The following ALG11 variants were observed in gnomAD, a reference collection of about 807,000 sequenced individuals.
ALG11 encodes the protein GDP-Man:Man(3)GlcNAc(2)-PP-Dol alpha-1,2-mannosyltransferase.
In ALG11, 26 loss-of-function variants were observed where a neutral mutation model predicts 38.8. That is an observed-to-expected ratio of 0.67 (90% CI 0.49 to 0.93). The LOEUF is 0.93. Among genes scored for constraint, ALG11 ranks in the 40% least tolerant of loss-of-function variants. The probability of loss-of-function intolerance (pLI) is 0.00; values close to 1 mark genes in which losing one functional copy is unlikely to be tolerated. For synonymous variants in ALG11, 199 were observed against 211.6 expected (o/e 0.94, Z 0.52); for missense variants, 535 against 578.8 (o/e 0.92, Z 0.78).
At chr13:52,014,155 A>C (rs946990388) in intron 1 of ALG11, among the ~76,000 whole-genome samples, 1 of 152,218 alleles carries the variant, frequency 6.6e-6, no homozygotes, top group African/African-American at 2.4e-5. Flanking sequence ...AGTTAGCCTG[A>C]ATTTTCTTCA....
rs1029348775 is a variant in ALG11 at position 52,012,424 on chromosome 13, G to A, written c.6G>A (p.Ala2=). Reference sequence around the variant, plus strand: ...AGTTCGGGGGTCGGCGGAAGATGGCGGCCGGCGAAAGGAGCTGGTGCCTGT... The same window carrying A: ...AGTTCGGGGGTCGGCGGAAGATGGCAGCCGGCGAAAGGAGCTGGTGCCTGT... M[A]AGERSWCLCK... is the part of the protein sequence containing the mutation. The change falls in exon 1 of 4, where the codon GCG becomes GCA. Residue 2 remains alanine, a synonymous_variant. Transcript: ENST00000521508. 3 of 1,614,022 alleles carry A rather than the reference G, an allele frequency of 1.9e-6. No homozygotes were observed. The highest frequency in any genetic ancestry group is 1.7e-6 in the Non-Finnish European group (2 of 1,180,042).
chr13:52,029,782 G>A lies in ALG11; in HGVS notation c.*1192G>A, dbSNP rs140297533. On this transcript the variant is annotated 3_prime_UTR_variant, in exon 4 of 4. Coordinates refer to ENST00000521508, the MANE Select transcript of ALG11 (RefSeq NM_001004127.3). ...CTCGCCAAGCTATGCAGGAACAGTT[G>A]GCCAAGAACAAAGAACTGACACAGA... 5.7e-5 allele frequency: 92 copies of A among 1,614,152 alleles called. No homozygotes were observed. The African/African-American group carries it at 8.8e-4, about 15-fold the overall frequency.
At chr13:52,023,618 T>A (rs914302008) in intron 2 of ALG11, 1 of 152,204 alleles carries the variant, frequency 6.6e-6, no homozygotes, top group South Asian at 2.1e-4. Context: ...AAATCAAATC[T>A]TCTTTATAAC....
chr13:52,020,140 T>G (rs534326690), intron 2 of ALG11, among the ~76,000 whole-genome samples: 15 of 152,138 alleles, frequency 9.9e-5, no homozygotes, highest in Non-Finnish European at 2.2e-4. Context: ...TTTATGAAAG[T>G]ATCTATTTGA....
rs373889076 is a variant in ALG11 at position 52,012,404 on chromosome 13, G to A, written c.-15G>A. On this transcript the variant is annotated 5_prime_UTR_variant, in exon 1 of 4. Coordinates refer to ENST00000521508, the MANE Select transcript of ALG11 (RefSeq NM_001004127.3). ...GGAAAGTGAAGCGTTTCCTGAGTTCGGGGGTCGGCGGAAGATGGCGGCCGG... is the reference window on the plus strand; with the variant it reads ...GGAAAGTGAAGCGTTTCCTGAGTTCAGGGGTCGGCGGAAGATGGCGGCCGG... The A allele has an allele frequency of 2.7e-5, 44 of 1,614,038 alleles. No homozygotes were observed. The highest frequency in any genetic ancestry group is 3.4e-5 in the Non-Finnish European group (40 of 1,180,052).
intron 1 of ALG11, chr13:52,016,098 A>C (rs1954132023): frequency 6.5e-6 from 1 of 152,816 alleles, no homozygotes; most frequent in Admixed American, 6.5e-5. Context: ...GACTCCTCTT[A>C]TGTTTTAGCA....
Position 52,018,981 on chromosome 13 carries a change from T to C in ALG11, c.113T>C (p.Val38Ala), listed in dbSNP as rs753875912. 1 of 1,613,978 alleles carries C rather than the reference T, an allele frequency of 6.2e-7. No homozygotes were observed. The highest frequency in any genetic ancestry group is 1.3e-5 in the African/African-American group (1 of 74,904). The part of the protein sequence containing the change: ...CGTLCVCLVI[V>A]LWGIRLLLQR... ...ACTTTATGTGTGTGTTTGGTCATTG[T>C]CCTTTGGGGAATCAGACTGCTGCTA... The change falls in exon 2 of 4, where the codon GTC (valine) becomes GCC (alanine). Residue 38 changes from valine to alanine, a missense_variant. Coordinates refer to ENST00000521508, the MANE Select transcript of ALG11 (RefSeq NM_001004127.3).
In ALG11 at chr13:52,030,242, G is replaced by A. The variant is rs1954287186; in HGVS notation, c.*1652G>A. ...CAGGAAGCAAAAAGCAAGTTCAGAG[G>A]GGACTGTTCCCCAGGTCCAGAGAGA... On this transcript the variant is annotated 3_prime_UTR_variant, in exon 4 of 4. Coordinates refer to ENST00000521508, the MANE Select transcript of ALG11 (RefSeq NM_001004127.3). 1 of 1,614,076 alleles carries A rather than the reference G, an allele frequency of 6.2e-7. No individual in the cohort carries two copies. The highest frequency in any genetic ancestry group is 8.5e-7 in the Non-Finnish European group (1 of 1,180,036).
In ALG11 at chr13:52,030,395, T is replaced by C; in HGVS notation, c.*1805T>C. On this transcript the variant is annotated 3_prime_UTR_variant, in exon 4 of 4. Coordinates refer to ENST00000521508, the MANE Select transcript of ALG11 (RefSeq NM_001004127.3). ...AAATAAGGAGCTTCCCAGACCTGTG[T>C]TAGAAGGACAGCAGTCAGAGAGGAC... The C allele has an allele frequency of 6.2e-7, 1 of 1,614,202 alleles. No homozygotes were observed. The highest frequency in any genetic ancestry group is 8.5e-7 in the Non-Finnish European group (1 of 1,180,040).
chr13:52,024,650 G>T lies in ALG11; in HGVS notation c.920G>T (p.Gly307Val). ...CCAGGACATTTGCTGGTTTCTGTTGGCCAGTTTAGGCCGGAAAAGAATCAT... is the reference window on the plus strand; with the variant it reads ...CCAGGACATTTGCTGGTTTCTGTTGTCCAGTTTAGGCCGGAAAAGAATCAT... ...MTPGHLLVSV[G>V]QFRPEKNHPL... The change falls in exon 3 of 4, where the codon GGC becomes GTC. Residue 307 changes from glycine (G) to valine (V), a missense_variant. Coordinates refer to ENST00000521508, the MANE Select transcript of ALG11 (RefSeq NM_001004127.3). 6.2e-7 allele frequency: 1 copy of T among 1,613,942 alleles called. No homozygotes were observed. The highest frequency in any genetic ancestry group is 8.5e-7 in the Non-Finnish European group (1 of 1,179,888).
chr13:52,018,146 A>C (rs1453759587), intron 1 of ALG11, among the ~76,000 whole-genome samples: 2 of 152,192 alleles, frequency 1.3e-5, no homozygotes, highest in African/African-American at 2.4e-5. Context: ...TATTCATTGG[A>C]TGCCTTCTCT....
chr13:52,027,270 A>G (rs781373077), intron 3 of ALG11, among the ~76,000 whole-genome samples: 13 of 152,110 alleles, frequency 8.5e-5, no homozygotes, highest in Admixed American at 5.2e-4. Flanking sequence ...GAGAAGAGAC[A>G]GTGGCTAGGG....
intron 2 of ALG11, chr13:52,021,992 G>C (rs964591519): frequency 1.3e-5 from 2 of 152,186 alleles, no homozygotes; most frequent in African/African-American, 4.8e-5. Context: ...ATATTCTGTT[G>C]GTCAAAATAG....
chr13:52,012,557 C>T, intron 1 of ALG11, 95 bp downstream of exon 1: 2 of 1,533,858 alleles, frequency 1.3e-6, no homozygotes, highest in South Asian at 1.1e-5. Context: ...AAATGGCCTT[C>T]CTTGTCATGA....
chr13:52,017,700 A>ATCTCTTTT lies in ALG11; in HGVS notation c.45-1211_45-1204dup, dbSNP rs1257859724. On this transcript the variant is annotated intron_variant, in intron 1 of 3. Transcript: ENST00000521508. ...CATATGGAACTGTAAGTCCAATTAAATCTCTTTTTGTTCCCCGTTTTGGGT... is the reference window on the plus strand; with the variant it reads ...CATATGGAACTGTAAGTCCAATTAAATCTCTTTTTCTCTTTTTGTTCCCCGTTTTGGGT... 2.5e-4 allele frequency: 39 copies of ATCTCTTTT among 154,292 alleles called. No individual in the cohort carries two copies. The South Asian group carries it at 4.9e-3, about 20-fold the overall frequency. The allele number at this position is 154,292 out of a possible 1,614,324, so 9.6% of individuals were successfully genotyped here. A position where few individuals can be genotyped will look rare whatever the true frequency, so the allele number is the denominator to read the frequency against.
intron 2 of ALG11, among the ~76,000 whole-genome samples, chr13:52,020,187 A>C (rs911923997): frequency 1.4e-4 from 22 of 152,170 alleles, no homozygotes; most frequent in African/African-American, 5.3e-4. Context: ...GGATAGTCTC[A>C]ACTTACCATG....
In ALG11 at chr13:52,024,647, T is replaced by C. The variant is rs778015185; in HGVS notation, c.917T>C (p.Val306Ala). Residue 306 changes from valine (V) to alanine (A), a missense_variant, in exon 3 of 4, where the codon GTT (valine) becomes GCT (alanine). Val to Ala is a moderately conservative substitution (Grantham distance 64, BLOSUM62 0). Coordinates refer to ENST00000521508, the MANE Select transcript of ALG11 (RefSeq NM_001004127.3). ...ACCCCAGGACATTTGCTGGTTTCTG[T>C]TGGCCAGTTTAGGCCGGAAAAGAAT... ...KMTPGHLLVSVGQFRPEKNHP... is the reference protein window; with the variant it reads ...KMTPGHLLVSAGQFRPEKNHP... 1.2e-6 allele frequency: 2 copies of C among 1,614,028 alleles called. No individual in the cohort carries two copies. Among genetic ancestry groups the C allele is most frequent in the Non-Finnish European group, 1.7e-6 (2 of 1,179,908 alleles).
chr13:52,014,693 C>T (rs1458433652), intron 1 of ALG11, among the ~76,000 whole-genome samples: 2 of 152,058 alleles, frequency 1.3e-5, no homozygotes, highest in Non-Finnish European at 1.5e-5. Context: ...AGCCACCATG[C>T]CCAACTGATA....
At chr13:52,022,912 C>T (rs1166707207) in intron 2 of ALG11, 1 of 152,254 alleles carries the variant, frequency 6.6e-6, no homozygotes, top group Non-Finnish European at 1.5e-5. Context: ...ATCCACCCGC[C>T]TCGGCCTCCC....
Sources: allele counts gnomAD v4.1 joint callset (sites outside exome capture counted in the v4.1 genomes callset), GRCh38; gene constraint gnomAD v4.1.1; transcripts MANE v1.5; gene names NCBI Gene and HGNC (gene_info 2026-07-23, HGNC 2026-07-21).